CCDC50: variants seen among roughly 807,000 people sequenced by gnomAD.
The protein encoded by CCDC50 is coiled-coil domain containing 50.
In CCDC50, 54 loss-of-function variants were observed where a neutral mutation model predicts 70.2. The ratio of observed to expected loss-of-function variants is 0.77; its 90% CI spans 0.62 to 0.96. The LOEUF (loss-of-function observed/expected upper bound fraction) is 0.96. Ranked by LOEUF, CCDC50 falls within the 50% of genes least tolerant of loss-of-function variation. The probability of loss-of-function intolerance (pLI) is 0.00; values close to 1 mark genes in which losing one functional copy is unlikely to be tolerated. For missense variants in CCDC50, 558 were observed against 578.7 expected, an observed-to-expected ratio of 0.96 and a Z score of 0.37; for synonymous variants, 216 against 198.8, an observed-to-expected ratio of 1.09 and a Z score of -0.73.
chr3:191,349,524 C>T (rs1712034865), intron 1 of CCDC50, among the ~76,000 whole-genome samples: 1 of 140,866 alleles, frequency 7.1e-6, no homozygotes, highest in Non-Finnish European at 1.6e-5. Context: ...TAGTCACTAC[C>T]TAGGGTTTCC....
rs377339432 is a variant in CCDC50, at chr3:191,393,243, C to G, written c.*1483C>G. The stretch of plus-strand genomic sequence containing the variant: ...CTTGTTCTCCCTCTCTCTGTCTCCC[C>G]CCCATGTACACATATATATATCCCT... On this transcript the variant is annotated 3_prime_UTR_variant, in exon 12 of 12. Transcript: ENST00000392455. 1 of 152,250 alleles carries G rather than the reference C, an allele frequency of 6.6e-6. No homozygotes were observed. Among genetic ancestry groups the G allele is most frequent in the East Asian group, 1.9e-4 (1 of 5,182 alleles). 9.4% of individuals were successfully genotyped at this position (152,250 alleles called of 1,614,324 possible). A position where few individuals can be genotyped will look rare whatever the true frequency, so the allele number is the denominator to read the frequency against.
In CCDC50 at chr3:191,386,849, A is replaced by T. The variant is rs538690268; in HGVS notation, c.1323-2647A>T. Among the ~76,000 whole-genome samples the T allele has an allele frequency of 5.3e-5, 8 of 152,346 alleles. No individual in the cohort carries two copies. In the East Asian group the frequency reaches 1.5e-3, roughly 29 times the overall value. On this transcript the variant is annotated intron_variant, in intron 10 of 11. Coordinates refer to ENST00000392455, the MANE Select transcript of CCDC50 (RefSeq NM_178335.3). ...TCTACTGTTTTTAAGGAAATAGAGGATCACTTAGCAATCTGAATTCTAACT... is the reference window on the plus strand; with the variant it reads ...TCTACTGTTTTTAAGGAAATAGAGGTTCACTTAGCAATCTGAATTCTAACT...
At chr3:191,341,044 T>G (rs1041021374) in intron 1 of CCDC50, among the ~76,000 whole-genome samples, 9 of 151,908 alleles carry the variant, frequency 5.9e-5, no homozygotes, top group African/African-American at 2.2e-4. Flanking sequence ...CAGGCTGATC[T>G]TGAACTCCTG....
At chr3:191,391,636 G>A in intron 11 of CCDC50, 105 bp from the exon 12 acceptor site, 1 of 960,342 alleles carries the variant, frequency 1.0e-6, no homozygotes, top group Non-Finnish European at 1.6e-6. Context: ...AGTACTATTA[G>A]AAATGTATAG....
chr3:191,348,948 AT>A lies in CCDC50; in HGVS notation c.50-8136del, dbSNP rs1247077030. Among the ~76,000 whole-genome samples the A allele has an allele frequency of 1.1e-3, 159 of 142,154 alleles. 11 individuals are homozygous for A. Among genetic ancestry groups the A allele is most frequent in the African/African-American group, 3.5e-3 (140 of 39,958 alleles). The allele number at this position is 142,154 out of a possible 152,430, so 93.3% of individuals were successfully genotyped here. A position where few individuals can be genotyped will look rare whatever the true frequency, so the allele number is the denominator to read the frequency against. The stretch of plus-strand genomic sequence containing the variant: ...TCAGCCTTGAGCCTGAAAGTGAGAA[AT>A]TTTAGCTATCAGTGATCAGCAACTC... On this transcript the variant is annotated intron_variant, in intron 1 of 11. Coordinates refer to ENST00000392455, the MANE Select transcript of CCDC50 (RefSeq NM_178335.3).
chr3:191,347,861 C>A (rs1711977071), intron 1 of CCDC50, among the ~76,000 whole-genome samples: 1 of 141,920 alleles, frequency 7.0e-6, no homozygotes, highest in Non-Finnish European at 1.6e-5. Context: ...TGGAAAAATT[C>A]AACATTTCGT....
chr3:191,339,757 T>C (rs924361942), intron 1 of CCDC50, among the ~76,000 whole-genome samples: 3 of 152,240 alleles, frequency 2.0e-5, no homozygotes, highest in Admixed American at 6.5e-5. Context: ...TAGTGACTGA[T>C]AACATGGTCT....
At chr3:191,368,502 G>A (rs16866506) in intron 4 of CCDC50, among the ~76,000 whole-genome samples, 1 of 151,906 alleles carries the variant, frequency 6.6e-6, no homozygotes, top group Admixed American at 6.6e-5. Context: ...AAACAGCTGA[G>A]GATATGGATA....
intron 10 of CCDC50, among the ~76,000 whole-genome samples, chr3:191,386,297 T>G (rs562993268): frequency 7.1e-6 from 1 of 140,784 alleles, no homozygotes; most frequent in East Asian, 2.4e-4. Flanking sequence ...CGACCTGGGC[T>G]CACTGCAACC....
intron 4 of CCDC50, among the ~76,000 whole-genome samples, chr3:191,364,944 T>C (rs1443913403): frequency 6.6e-6 from 1 of 152,102 alleles, no homozygotes; most frequent in African/African-American, 2.4e-5. Context: ...AGGCTCCCTG[T>C]TGGAAGGAGC....
chr3:191,373,012 T>C (rs1712966527), intron 5 of CCDC50, among the ~76,000 whole-genome samples: 2 of 152,124 alleles, frequency 1.3e-5, no homozygotes, highest in African/African-American at 4.8e-5. Context: ...TGTAATATTT[T>C]GTGTATCTTA....
intron 4 of CCDC50, among the ~76,000 whole-genome samples, chr3:191,368,995 C>A (rs1712801493): frequency 6.6e-6 from 1 of 152,154 alleles, no homozygotes; most frequent in African/African-American, 2.4e-5. Flanking sequence ...TTAAGATTGT[C>A]TAAAAGGAGT....
At chr3:191,372,667 T>C (rs1424843974) in intron 5 of CCDC50, among the ~76,000 whole-genome samples, 3 of 152,184 alleles carry the variant, frequency 2.0e-5, no homozygotes, top group Non-Finnish European at 2.9e-5. Context: ...TTAGAATGAT[T>C]ATGGATTTTC....
intron 4 of CCDC50, 141 bp from the exon 5 acceptor site, chr3:191,369,778 A>G: frequency 1.4e-6 from 1 of 714,856 alleles, no homozygotes; most frequent in Non-Finnish European, 2.6e-6. Context: ...TGGCATTTGA[A>G]GACATGAAAT....
At chr3:191,385,036 A>C (rs868828936) in intron 10 of CCDC50, among the ~76,000 whole-genome samples, 9 of 152,176 alleles carry the variant, frequency 5.9e-5, no homozygotes, top group Non-Finnish European at 1.0e-4. Flanking sequence ...TATAGTGTAT[A>C]TGTACCACAT....
Position 191,380,286 on chromosome 3 carries a change from T to C in CCDC50, c.1092+12T>C, listed in dbSNP as rs1381364721. ...AAGAAGAACTTTTGGTGAGCAAATT[T>C]TAAGGCAAAAGTTTAGATATATTGA... On this transcript the variant is annotated intron_variant, in intron 7 of 11. Coordinates refer to ENST00000392455, the MANE Select transcript of CCDC50 (RefSeq NM_178335.3). 6 of 1,559,376 alleles carry C rather than the reference T, an allele frequency of 3.8e-6. No homozygotes were observed. In the African/African-American group the frequency reaches 6.8e-5, roughly 18 times the overall value.
chr3:191,368,830 A>T (rs1228732017), intron 4 of CCDC50, among the ~76,000 whole-genome samples: 1 of 152,084 alleles, frequency 6.6e-6, no homozygotes, highest in Non-Finnish European at 1.5e-5. Flanking sequence ...ATAGCTATTG[A>T]CTTCTCTCCT....
intron 1 of CCDC50, among the ~76,000 whole-genome samples, chr3:191,332,296 A>C (rs1313022513): frequency 1.3e-5 from 2 of 152,316 alleles, no homozygotes; most frequent in East Asian, 3.9e-4. Context: ...CTTTTGAAAA[A>C]ACACACACAC....
chr3:191,374,981 C>A, intron 5 of CCDC50, 81 bp from the exon 6 acceptor site: 1 of 1,409,170 alleles, frequency 7.1e-7, no homozygotes, highest in Non-Finnish European at 1.0e-6. Context: ...GGAGCCCAGA[C>A]TCCCCCCTGT....
Sources: gnomAD v4.1 joint callset for allele counts (sites outside exome capture counted in the v4.1 genomes callset) on GRCh38, gnomAD v4.1.1 for gene constraint, MANE v1.5 for transcripts, NCBI Gene and HGNC (gene_info 2026-07-23, HGNC 2026-07-21) for gene names.